HINT1: variants seen among roughly 807,000 people sequenced by gnomAD.
The protein encoded by HINT1 is histidine triad nucleotide binding protein 1, also known as adenosine 5'-monophosphoramidase HINT1.
In HINT1, 12 loss-of-function variants were observed where a neutral mutation model predicts 11.2. The ratio of observed to expected loss-of-function variants is 1.07; its 90% confidence interval spans 0.69 to 1.74. HINT1 has a LOEUF of 1.74. HINT1 is among the 40% of genes most tolerant of loss of function. The pLI, the probability that HINT1 is intolerant of heterozygous loss-of-function variation, is 0.00. For missense variants in HINT1, 150 were observed against 161.8 expected (o/e 0.93, Z 0.40); for synonymous variants, 42 against 52.6 (o/e 0.80, Z 0.87).
chr5:131,161,933 C>A (rs1755259762), intron 2 of HINT1, among the ~76,000 whole-genome samples: 1 of 152,164 alleles, frequency 6.6e-6, no homozygotes, highest in African/African-American at 2.4e-5. Context: ...ATGAAGATGA[C>A]AGGGATGAAG....
intron 2 of HINT1, among the ~76,000 whole-genome samples, chr5:131,161,112 G>A (rs1169752051): frequency 6.6e-6 from 1 of 152,158 alleles, no homozygotes; most frequent in African/African-American, 2.4e-5. Context: ...AATTAGCACG[G>A]TTTTAAAGCT....
chr5:131,165,196 C>A lies in HINT1; in HGVS notation c.10G>T (p.Glu4Ter). 1 of 1,607,364 alleles carries A rather than the reference C, an allele frequency of 6.2e-7. No homozygotes were observed. The highest frequency in any genetic ancestry group is 2.2e-5 in the East Asian group (1 of 44,870). ...CGAGCGACCTGAGCCTTGGCAATCT[C>A]ATCTGCCATCTCGGCCTCTCTCCCG... MAD[E>*]IAKAQVARPG... The change falls in exon 1 of 3, where the codon GAG becomes TAG. Residue 4 changes from glutamate to a stop codon, truncating the protein, a stop_gained. Transcript: ENST00000304043. LOFTEE classifies it high-confidence loss of function.
chr5:131,159,918 C>A (rs1755206715), intron 2 of HINT1, among the ~76,000 whole-genome samples: 1 of 152,076 alleles, frequency 6.6e-6, no homozygotes, highest in South Asian at 2.1e-4. Flanking sequence ...GTGGCACGAT[C>A]TCAGCTCACT....
At chr5:131,163,757 AAC>A (rs1291866243) in intron 1 of HINT1, among the ~76,000 whole-genome samples, 3 of 152,226 alleles carry the variant, frequency 2.0e-5, no homozygotes, top group Non-Finnish European at 2.9e-5. Context: ...AATTATTTAA[AAC>A]AGTGTCTGTA....
At chr5:131,164,834 G>A (rs1220875763) in intron 1 of HINT1, among the ~76,000 whole-genome samples, 1 of 151,850 alleles carries the variant, frequency 6.6e-6, no homozygotes, top group African/African-American at 2.4e-5. Context: ...CCCAGGCCCC[G>A]CGGTGCGGCA....
At chr5:131,159,979 G>A (rs1755208420) in intron 2 of HINT1, among the ~76,000 whole-genome samples, 1 of 151,968 alleles carries the variant, frequency 6.6e-6, no homozygotes, top group South Asian at 2.1e-4. Context: ...ACCCACCCAA[G>A]GAGCTGGGAC....
At chr5:131,162,717 T>C (rs1291476552) in intron 1 of HINT1, 41 bp from the exon 2 acceptor site, 3 of 1,326,390 alleles carry the variant, frequency 2.3e-6, no homozygotes, top group Non-Finnish European at 3.2e-6. Flanking sequence ...AAACTTTTAG[T>C]ATATTGGTAG....
At chr5:131,162,716 G>A (rs1424592157) in intron 1 of HINT1, 40 bp from the exon 2 acceptor site, 2 of 1,324,390 alleles carry the variant, frequency 1.5e-6, no homozygotes, top group African/African-American at 1.5e-5. Flanking sequence ...CAAACTTTTA[G>A]TATATTGGTA....
Position 131,159,302 on chromosome 5 carries a change from CAAT to C in HINT1, c.*142_*144del, listed in dbSNP as rs1755189454. 1 of 595,050 alleles carries C rather than the reference CAAT, an allele frequency of 1.7e-6. No homozygotes were observed. The highest frequency in any genetic ancestry group is 2.9e-6 in the Non-Finnish European group (1 of 341,818). The allele number at this position is 595,050 out of a possible 1,614,324, so 36.9% of individuals were successfully genotyped here. On this transcript the variant is annotated 3_prime_UTR_variant, in exon 3 of 3. Coordinates refer to ENST00000304043, the MANE Select transcript of HINT1 (RefSeq NM_005340.7). ...CTCAGAGAGACTATAAGCCATGCAACAATGTCTTTTATTATGTATGCGGTTTTA... is the reference window on the plus strand; with the variant it reads ...CTCAGAGAGACTATAAGCCATGCAACGTCTTTTATTATGTATGCGGTTTTA...
At chr5:131,162,719 T>C in intron 1 of HINT1, 43 bp from the exon 2 acceptor site, 1 of 1,303,842 alleles carries the variant, frequency 7.7e-7, no homozygotes, top group Non-Finnish European at 1.1e-6. Flanking sequence ...ACTTTTAGTA[T>C]ATTGGTAGGA....
In HINT1 at chr5:131,159,222, C is replaced by T. The variant is rs1755187262; in HGVS notation, c.*225G>A. ...GCAAGAAACATCCAAAATTATAAAC[C>T]CACCTTCACATATTCCAACAAATAT... On this transcript the variant is annotated 3_prime_UTR_variant, in exon 3 of 3. Transcript: ENST00000304043. The T allele has an allele frequency of 2.5e-6, 1 of 397,122 alleles. No individual in the cohort carries two copies. The highest frequency in any genetic ancestry group is 3.9e-5 in the East Asian group (1 of 25,824). The allele number at this position is 397,122 out of a possible 1,614,324, so 24.6% of individuals were successfully genotyped here.
chr5:131,164,928 G>T (rs1253741812), intron 1 of HINT1, 167 bp downstream of exon 1: 3 of 896,712 alleles, frequency 3.3e-6, no homozygotes, highest in African/African-American at 1.8e-5. Flanking sequence ...GGCCGCCTCG[G>T]AGTGCCCGGG....
chr5:131,165,250 A>G lies in HINT1; in HGVS notation c.-45T>C. The G allele has an allele frequency of 6.3e-7, 1 of 1,590,694 alleles. No individual in the cohort carries two copies. Among genetic ancestry groups the G allele is most frequent in the Non-Finnish European group, 8.5e-7 (1 of 1,174,298 alleles). Reference sequence around the variant, plus strand: ...GGCGGCCAGAGGAGAGGCTCGGAAGAAGGGAGGAACCCGCAGAGCGTGCGG... The same window carrying G: ...GGCGGCCAGAGGAGAGGCTCGGAAGGAGGGAGGAACCCGCAGAGCGTGCGG... On this transcript the variant is annotated 5_prime_UTR_variant, in exon 1 of 3. Transcript: ENST00000304043.
At chr5:131,161,375 G>A (rs748148762) in intron 2 of HINT1, among the ~76,000 whole-genome samples, 8 of 151,972 alleles carry the variant, frequency 5.3e-5, no homozygotes, top group Non-Finnish European at 8.8e-5. Flanking sequence ...AGGCTGAGGC[G>A]GGTGGATCAC....
rs1475029952 is a variant in HINT1 at position 131,159,520 on chromosome 5, T to C, written c.308A>G (p.Asp103Gly). 1.2e-6 allele frequency: 2 copies of C among 1,613,540 alleles called. No homozygotes were observed. The highest frequency in any genetic ancestry group is 1.3e-5 in the African/African-American group (1 of 74,822). ...GYRMVVNEGS[D>G]GGQSVYHVHL... ...AACGTGATAGACAGACTGTCCACCA[T>C]CTGAACCTTCATTCACCACCATTCG... The change falls in exon 3 of 3, where the codon GAT becomes GGT. Residue 103 changes from aspartate (D) to glycine (G), a missense_variant. Physicochemically the swap from Asp to Gly is moderately conservative, Grantham distance 94 (BLOSUM62 -1). Coordinates refer to ENST00000304043, the MANE Select transcript of HINT1 (RefSeq NM_005340.7).
Position 131,165,090 on chromosome 5 carries a change from C to T in HINT1, c.111+5G>A. On this transcript the variant is annotated splice_donor_5th_base_variant and intron_variant, in intron 1 of 2. Coordinates refer to ENST00000304043, the MANE Select transcript of HINT1 (RefSeq NM_005340.7). ...CAGGCGAGAGAGGTGGTGCCCAGTA[C>T]CTACCCGGTCATCCTCAAAAATGAT... 6.2e-7 allele frequency: 1 copy of T among 1,613,716 alleles called. No individual in the cohort carries two copies. The highest frequency in any genetic ancestry group is 8.5e-7 in the Non-Finnish European group (1 of 1,179,858).
Position 131,159,407 on chromosome 5 carries a change from AT to A in HINT1, c.*39del. 1 of 1,588,912 alleles carries A rather than the reference AT, an allele frequency of 6.3e-7. No individual in the cohort carries two copies. Among genetic ancestry groups the A allele is most frequent in the Non-Finnish European group, 8.6e-7 (1 of 1,163,870 alleles). On this transcript the variant is annotated 3_prime_UTR_variant, in exon 3 of 3. Coordinates refer to ENST00000304043, the MANE Select transcript of HINT1 (RefSeq NM_005340.7). ...AACATACTGGAAATTGCCTAACTTA[AT>A]CATTGCCTAAAGAAGAGAAAATTAT...
chr5:131,162,689 G>T lies in HINT1; in HGVS notation c.112-13C>A. 6.6e-7 allele frequency: 1 copy of T among 1,516,746 alleles called. No homozygotes were observed. Among genetic ancestry groups the T allele is most frequent in the Non-Finnish European group, 9.1e-7 (1 of 1,099,884 alleles). 94.0% of individuals were successfully genotyped at this position (1,516,746 alleles called of 1,614,324 possible). A position where few individuals can be genotyped will look rare whatever the true frequency, so the allele number is the denominator to read the frequency against. ...GGAAAGCAAGGCACTAGGGAAAAGAGAAATAAATAAATAAATCAAACTTTT... is the reference window on the plus strand; with the variant it reads ...GGAAAGCAAGGCACTAGGGAAAAGATAAATAAATAAATAAATCAAACTTTT... On this transcript the variant is annotated splice_polypyrimidine_tract_variant and intron_variant, in intron 1 of 2. Transcript: ENST00000304043.
At chr5:131,164,388 G>T (rs1040137024) in intron 1 of HINT1, among the ~76,000 whole-genome samples, 1 of 152,224 alleles carries the variant, frequency 6.6e-6, no homozygotes, top group South Asian at 2.1e-4. Context: ...TCAGCTGTTT[G>T]TAAGTCCAAA....
Sources: allele counts gnomAD v4.1 joint callset (sites outside exome capture counted in the v4.1 genomes callset), GRCh38; gene constraint gnomAD v4.1.1; transcripts MANE v1.5; gene names NCBI Gene and HGNC (gene_info 2026-07-23, HGNC 2026-07-21).